Variants in CSMD1 observed in about 807,000 individuals in gnomAD.
CSMD1 encodes CUB and Sushi multiple domains 1.
CSMD1 carries 213 observed loss-of-function variants against 417.5 expected under a neutral mutation model. That is an observed-to-expected ratio of 0.51 (90% CI 0.46 to 0.57). CSMD1 has a LOEUF of 0.57. Among genes scored for constraint, CSMD1 ranks in the 20% least tolerant of loss-of-function variants. The pLI is 0.00. For missense variants in CSMD1, 6,923 were observed against 4,529.7 expected, an observed-to-expected ratio of 1.53 and a Z score of -15.17; for synonymous variants, 2,862 against 1,736.8, an observed-to-expected ratio of 1.65 and a Z score of -16.11.
chr8:4,976,222 G>C (rs550960319), intron 1 of CSMD1, among the ~76,000 whole-genome samples: 2 of 152,264 alleles, frequency 1.3e-5, no homozygotes, highest in Admixed American at 6.5e-5. Flanking sequence ...TGGGTGACAA[G>C]AGTATCCATA....
At chr8:3,254,774 A>C (rs1585812550) in intron 26 of CSMD1, among the ~76,000 whole-genome samples, 1 of 151,990 alleles carries the variant, frequency 6.6e-6, no homozygotes, top group East Asian at 1.9e-4. Context: ...CCATTCATGT[A>C]ATTTTTTTTC....
chr8:4,096,503 AG>A (rs1801018747), intron 3 of CSMD1, among the ~76,000 whole-genome samples: 1 of 152,206 alleles, frequency 6.6e-6, no homozygotes, highest in African/African-American at 2.4e-5. Flanking sequence ...ATTATGAGAC[AG>A]CCAATGACTA....
rs774374090 is a variant in CSMD1, at chr8:3,359,329, C to G, written c.3127G>C (p.Glu1043Gln). Reference sequence around the variant, plus strand: ...GGGACTCCAGGATCATCACATGGCTCCAGGTCATATTCTGAGGCATGCAGA... The same window carrying G: ...GGGACTCCAGGATCATCACATGGCTGCAGGTCATATTCTGAGGCATGCAGA... The part of the protein sequence containing the change: ...FNITFSEYDL[E>Q]PCDDPGVPAF... Residue 1043 changes from glutamate (E) to glutamine (Q), a missense_variant, in exon 21 of 70, where the codon GAG (glutamate) becomes CAG (glutamine). Glu to Gln is a conservative substitution (Grantham distance 29). Transcript: ENST00000635120. The G allele has an allele frequency of 6.2e-7, 1 of 1,613,148 alleles. No homozygotes were observed.
At chr8:4,955,209 G>C (rs1427411759) in intron 1 of CSMD1, among the ~76,000 whole-genome samples, 3 of 152,112 alleles carry the variant, frequency 2.0e-5, no homozygotes, top group Non-Finnish European at 4.4e-5. Context: ...ACCCATTCGT[G>C]TGCACAGAAG....
intron 8 of CSMD1, among the ~76,000 whole-genome samples, chr8:3,604,782 G>C (rs1359383306): frequency 6.6e-6 from 1 of 152,044 alleles, no homozygotes. Context: ...CAGTTTTATT[G>C]CTTGTGGTAT....
intron 1 of CSMD1, among the ~76,000 whole-genome samples, chr8:4,948,014 G>T (rs12541001): frequency 6.6e-6 from 1 of 151,934 alleles, no homozygotes; most frequent in Non-Finnish European, 1.5e-5. Context: ...CCACATGTCA[G>T]CTTGTGTTAC....
intron 2 of CSMD1, among the ~76,000 whole-genome samples, chr8:4,455,552 A>T (rs953133986): frequency 1.3e-5 from 2 of 152,148 alleles, no homozygotes; most frequent in African/African-American, 2.4e-5. Flanking sequence ...CACTTTATAG[A>T]ATATGACCTC....
intron 46 of CSMD1, among the ~76,000 whole-genome samples, chr8:3,104,040 A>C (rs1815951369): frequency 6.6e-6 from 1 of 152,004 alleles, no homozygotes. Flanking sequence ...ACTGTCCCTG[A>C]CCAAAATTCC....
intron 21 of CSMD1, among the ~76,000 whole-genome samples, chr8:3,357,198 G>T (rs1489520313): frequency 6.6e-6 from 1 of 152,198 alleles, no homozygotes; most frequent in African/African-American, 2.4e-5. Flanking sequence ...TCAGGAAACT[G>T]CAGGCAAAAT....
chr8:2,954,574 T>G (rs1042329354), intron 64 of CSMD1, among the ~76,000 whole-genome samples: 1 of 152,134 alleles, frequency 6.6e-6, no homozygotes, highest in East Asian at 1.9e-4. Flanking sequence ...GTATCCTGTT[T>G]GGAATACCCT....
At chr8:4,635,125 G>C (rs1023903844) in intron 2 of CSMD1, among the ~76,000 whole-genome samples, 1 of 152,064 alleles carries the variant, frequency 6.6e-6, no homozygotes, top group African/African-American at 2.4e-5. Flanking sequence ...CGGTAACTGA[G>C]TGATTCATAT....
intron 5 of CSMD1, among the ~76,000 whole-genome samples, chr8:3,972,018 T>C (rs2130091018): frequency 6.6e-6 from 1 of 152,144 alleles, no homozygotes; most frequent in South Asian, 2.1e-4. Flanking sequence ...GTAATCCTCC[T>C]GCATCAACCT....
intron 5 of CSMD1, among the ~76,000 whole-genome samples, chr8:3,781,596 G>T (rs1056245215): frequency 7.2e-5 from 11 of 152,158 alleles, no homozygotes; most frequent in African/African-American, 2.7e-4. Context: ...AGTGTACTCT[G>T]TCCCACAGTC....
intron 52 of CSMD1, among the ~76,000 whole-genome samples, chr8:3,001,439 G>A (rs1338378891): frequency 6.6e-6 from 1 of 152,064 alleles, no homozygotes; most frequent in Non-Finnish European, 1.5e-5. Context: ...AAAATATACA[G>A]GCTGAAGAGT....
chr8:3,010,205 A>G (rs907439800), intron 52 of CSMD1, among the ~76,000 whole-genome samples: 9 of 152,164 alleles, frequency 5.9e-5, no homozygotes, highest in African/African-American at 2.2e-4. Context: ...GGTTTCTCCT[A>G]CAATAGGAGA....
At chr8:4,775,265 C>T (rs1172292714) in intron 1 of CSMD1, among the ~76,000 whole-genome samples, 2 of 152,084 alleles carry the variant, frequency 1.3e-5, no homozygotes, top group African/African-American at 2.4e-5. Context: ...CATAGAAAAA[C>T]TGCAATGATT....
At chr8:3,426,731 T>G (rs1410790784) in intron 12 of CSMD1, among the ~76,000 whole-genome samples, 1 of 152,262 alleles carries the variant, frequency 6.6e-6, no homozygotes, top group Admixed American at 6.5e-5. Flanking sequence ...CTTTATAGTT[T>G]ACTAAAATGT....
chr8:3,909,130 G>C (rs1040837370), intron 5 of CSMD1, among the ~76,000 whole-genome samples: 1 of 152,202 alleles, frequency 6.6e-6, no homozygotes, highest in African/African-American at 2.4e-5. Context: ...ATTCTGGAGA[G>C]GCTTGAAGTG....
chr8:4,176,603 G>C (rs1196232812), intron 3 of CSMD1, among the ~76,000 whole-genome samples: 4 of 75,708 alleles, frequency 5.3e-5, no homozygotes, highest in African/African-American at 9.9e-5. Context: ...ATAGGAGTAG[G>C]AAATTCTAAT....
Sources: allele counts gnomAD v4.1 joint callset (sites outside exome capture counted in the v4.1 genomes callset), GRCh38; gene constraint gnomAD v4.1.1; transcripts MANE v1.5; gene names NCBI Gene and HGNC (gene_info 2026-07-23, HGNC 2026-07-21).